MAGI3: variants seen among roughly 807,000 people sequenced by gnomAD.
MAGI3 encodes membrane-associated guanylate kinase, WW and PDZ domain-containing protein 3.
In MAGI3, 43 loss-of-function variants were observed where a neutral mutation model predicts 121.8. The observed-to-expected ratio is 0.35, with a 90% CI of 0.28 to 0.46. The LOEUF is 0.46. Among genes scored for constraint, MAGI3 ranks in the 20% least tolerant of loss-of-function variants. The pLI is 1.00. For synonymous variants in MAGI3, 553 were observed against 639.3 expected (o/e 0.86, Z 2.04); for missense variants, 1,547 against 1,797.3 (o/e 0.86, Z 2.52).
At chr1:113,587,220 C>T (rs926659154) in intron 4 of MAGI3, among the ~76,000 whole-genome samples, 1 of 144,808 alleles carries the variant, frequency 6.9e-6, no homozygotes, top group East Asian at 1.9e-4. Flanking sequence ...TGTTTTGAGA[C>T]AGAGTCTCCC....
intron 12 of MAGI3, among the ~76,000 whole-genome samples, chr1:113,647,769 G>C (rs543926186): frequency 6.6e-6 from 1 of 152,096 alleles, no homozygotes; most frequent in Non-Finnish European, 1.5e-5. Context: ...CCAGTTGTAC[G>C]CCCAGCAAAG....
At chr1:113,538,451 G>T (rs1659107393) in intron 1 of MAGI3, among the ~76,000 whole-genome samples, 1 of 152,154 alleles carries the variant, frequency 6.6e-6, no homozygotes, top group African/African-American at 2.4e-5. Context: ...TGGTTATCTG[G>T]CATTACGACA....
At chr1:113,637,185 T>C (rs1346664259) in intron 9 of MAGI3, among the ~76,000 whole-genome samples, 4 of 152,056 alleles carry the variant, frequency 2.6e-5, no homozygotes, top group African/African-American at 9.7e-5. Flanking sequence ...CTTTATCCAA[T>C]TTGCCAGTCT....
At chr1:113,623,027 G>C in intron 9 of MAGI3, 33 bp downstream of exon 9, 1 of 1,410,058 alleles carries the variant, frequency 7.1e-7, no homozygotes, top group Non-Finnish European at 9.3e-7. Flanking sequence ...TTGAAGAGTA[G>C]TGATACTATA....
intron 13 of MAGI3, among the ~76,000 whole-genome samples, chr1:113,649,574 G>A (rs553223925): frequency 6.6e-6 from 1 of 152,296 alleles, no homozygotes; most frequent in African/African-American, 2.4e-5. Flanking sequence ...ACTTCTCTGT[G>A]TGAATAACTA....
At position 113,671,743 on chromosome 1, in the gene MAGI3, G is replaced by A. The variant is rs752700148; in HGVS notation, c.2825G>A (p.Gly942Asp). ...LTVIAEEEHH[G>D]PPSGTNSARQ... ...TTTCTCATTTGAACAGAGCATCATG[G>A]TCCACCATCAGGAACAAACTCAGCC... The change falls in exon 17 of 21, where the codon GGT becomes GAT. Residue 942 changes from glycine to aspartate, a missense_variant. Coordinates refer to ENST00000307546, the MANE Select transcript of MAGI3 (RefSeq NM_001142782.2). 4.3e-6 allele frequency: 7 copies of A among 1,614,160 alleles called. No homozygotes were observed. The highest frequency in any genetic ancestry group is 5.1e-6 in the Non-Finnish European group (6 of 1,180,004).
intron 1 of MAGI3, among the ~76,000 whole-genome samples, chr1:113,535,717 A>G (rs1449695847): frequency 1.3e-5 from 2 of 152,110 alleles, no homozygotes. Context: ...TTATTACCGC[A>G]CATCTCTTTC....
At chr1:113,495,238 C>G (rs1048086661) in intron 1 of MAGI3, among the ~76,000 whole-genome samples, 1 of 151,992 alleles carries the variant, frequency 6.6e-6, no homozygotes, top group African/African-American at 2.4e-5. Context: ...ATTTGTTAGG[C>G]TCTCATATAA....
chr1:113,434,928 T>C (rs919825184), intron 1 of MAGI3, among the ~76,000 whole-genome samples: 11 of 152,198 alleles, frequency 7.2e-5, no homozygotes, highest in Admixed American at 7.2e-4. Flanking sequence ...CCAAACCATT[T>C]TTTATCCATG....
At chr1:113,473,496 A>G (rs1041154420) in intron 1 of MAGI3, among the ~76,000 whole-genome samples, 3 of 137,916 alleles carry the variant, frequency 2.2e-5, no homozygotes, top group Admixed American at 8.7e-5. Flanking sequence ...ATTCCCACCT[A>G]TGAGTGAGAA....
chr1:113,491,022 A>G (rs1656643239), intron 1 of MAGI3, among the ~76,000 whole-genome samples: 1 of 152,186 alleles, frequency 6.6e-6, no homozygotes, highest in South Asian at 2.1e-4. Context: ...CACAGGATCA[A>G]ATGGACCTGA....
intron 1 of MAGI3, among the ~76,000 whole-genome samples, chr1:113,449,359 T>C (rs1654356674): frequency 3.0e-5 from 1 of 33,742 alleles, no homozygotes; most frequent in Non-Finnish European, 5.7e-5. Context: ...ATTACTTTTA[T>C]GGTGTGTGTG....
At chr1:113,511,939 G>A (rs1030112940) in intron 1 of MAGI3, among the ~76,000 whole-genome samples, 1 of 152,158 alleles carries the variant, frequency 6.6e-6, no homozygotes, top group Non-Finnish European at 1.5e-5. Flanking sequence ...GCATTATTGT[G>A]ATTATGATCT....
intron 4 of MAGI3, among the ~76,000 whole-genome samples, chr1:113,587,349 C>T (rs1648436198): frequency 6.6e-6 from 1 of 152,150 alleles, no homozygotes; most frequent in African/African-American, 2.4e-5. Flanking sequence ...GCATGTGCCA[C>T]CCTGCCCAGA....
chr1:113,563,119 A>C (rs1487689772), intron 2 of MAGI3, among the ~76,000 whole-genome samples: 1 of 152,244 alleles, frequency 6.6e-6, no homozygotes, highest in Admixed American at 6.5e-5. Flanking sequence ...AGGATAATAC[A>C]TTATGATCAA....
Position 113,528,425 on chromosome 1 carries a change from G to A in MAGI3, c.317-21090G>A, listed in dbSNP as rs571733333. 1.2e-3 allele frequency among the ~76,000 whole-genome samples: 177 copies of A among 151,922 alleles called. 1 individual carries two copies. Among genetic ancestry groups the A allele is most frequent in the South Asian group, 2.1e-3 (10 of 4,808 alleles). On this transcript the variant is annotated intron_variant, in intron 1 of 20. Transcript: ENST00000307546. ...TATCCTTTGTAATTCCTATAAACTGGAATGTAAACCAAGTTGATTCTATTC... is the reference window on the plus strand; with the variant it reads ...TATCCTTTGTAATTCCTATAAACTGAAATGTAAACCAAGTTGATTCTATTC...
At chr1:113,585,028 C>T (rs1478635664) in intron 3 of MAGI3, among the ~76,000 whole-genome samples, 5 of 129,010 alleles carry the variant, frequency 3.9e-5, no homozygotes, top group Middle Eastern at 6.1e-3. Context: ...AGTGTAGTGG[C>T]GCAATCTCAG....
intron 1 of MAGI3, among the ~76,000 whole-genome samples, chr1:113,472,598 T>G (rs1176607692): frequency 1.3e-5 from 2 of 149,478 alleles, no homozygotes; most frequent in Admixed American, 6.7e-5. Context: ...AATTTGATAG[T>G]TTTTTTTTTA....
intron 1 of MAGI3, among the ~76,000 whole-genome samples, chr1:113,416,208 T>G (rs1397791162): frequency 1.0e-5 from 1 of 95,986 alleles, no homozygotes; most frequent in Non-Finnish European, 2.4e-5. Flanking sequence ...TAATGACACA[T>G]ATTATTATGT....
Sources: allele counts gnomAD v4.1 joint callset (sites outside exome capture counted in the v4.1 genomes callset), GRCh38; gene constraint gnomAD v4.1.1; transcripts MANE v1.5; gene names NCBI Gene and HGNC (gene_info 2026-07-23, HGNC 2026-07-21).